The following PRAMEF19 variants were observed in gnomAD, a reference collection of about 807,000 sequenced individuals.
The protein encoded by PRAMEF19 is PRAME family member-like.
PRAMEF19 carries 21 observed loss-of-function variants against 33.1 expected under a neutral mutation model. The observed-to-expected ratio is 0.63, with a 90% CI of 0.45 to 0.91. The LOEUF (loss-of-function observed/expected upper bound fraction) is 0.91. Among genes scored for constraint, PRAMEF19 ranks in the 40% least tolerant of loss-of-function variants. PRAMEF19 has a pLI of 0.00. For missense variants in PRAMEF19, 481 were observed against 585.2 expected (o/e 0.82, Z 1.84); for synonymous variants, 179 against 229.3 (o/e 0.78, Z 1.98).
chr1:13,368,498 C>G (rs1342650973), downstream of PRAMEF19, among the ~76,000 whole-genome samples: 1 of 152,104 alleles, frequency 6.6e-6, no homozygotes, highest in Non-Finnish European at 1.5e-5. Flanking sequence ...GAACTAGTAC[C>G]TCTTTTTTTA....
At chr1:13,371,815 T>C in exon 1 of PRAMEF19, 9 of 1,611,850 alleles carry the variant, frequency 5.6e-6, no homozygotes, top group Non-Finnish European at 7.6e-6. Context: ...GGGCAGCTCA[T>C]CCAGGACGGA....
At chr1:13,369,152 A>G in exon 3 of PRAMEF19, 1 of 1,611,952 alleles carries the variant, frequency 6.2e-7, no homozygotes, top group Admixed American at 1.7e-5. Flanking sequence ...GACGGGACCA[A>G]AGAAGATCCT....
Position 13,371,891 on chromosome 1 carries a change from G to A in PRAMEF19, c.10C>T (p.Gln4Ter), listed in dbSNP as rs1640677020. 3.3e-5 allele frequency: 54 copies of A among 1,611,976 alleles called. 1 individual carries two copies. In the South Asian group the frequency reaches 4.2e-4, roughly 12 times the overall value. ...AGCTCCAGGAGTCTGCGTGGGGCCTGGAAGCTCATCCTGATAAATCTGCAA... is the reference window on the plus strand; with the variant it reads ...AGCTCCAGGAGTCTGCGTGGGGCCTAGAAGCTCATCCTGATAAATCTGCAA... The change falls in exon 1 of 3, where the codon CAG (glutamine) becomes TAG (stop). Residue 4 changes from glutamine to a stop codon, truncating the protein, a stop_gained. Transcript: ENST00000376101. LOFTEE classifies it high-confidence loss of function.
chr1:13,369,261 G>C lies in PRAMEF19; in HGVS notation c.1246C>G (p.Arg416Gly). The change falls in exon 3 of 3, where the codon CGG becomes GGG. Residue 416 changes from arginine (R) to glycine (G), a missense_variant. Arg to Gly is a moderately radical substitution (Grantham distance 125). Coordinates refer to ENST00000376101, the Ensembl canonical transcript of PRAMEF19. ...CGACCCCTGTTGTCAAGACTCTCCC[G>C]AGGGGCAGGATATGTTTCCAGGCTC... is the stretch of plus-strand genomic sequence containing the variant. 5 of 1,612,050 alleles carry C rather than the reference G, an allele frequency of 3.1e-6. No individual in the cohort carries two copies. The highest frequency in any genetic ancestry group is 2.2e-5 in the South Asian group (2 of 90,990).
At chr1:13,370,212 C>T (rs1282541856) in intron 2 of PRAMEF19, among the ~76,000 whole-genome samples, 1 of 152,276 alleles carries the variant, frequency 6.6e-6, no homozygotes, top group Non-Finnish European at 1.5e-5. Flanking sequence ...CTGTGAAACG[C>T]ACAGGTTTGG....
rs755927493 is a variant in PRAMEF19 at position 13,369,486 on chromosome 1, G to A, written c.1021C>T (p.Arg341Ter). 2.4e-5 allele frequency: 39 copies of A among 1,613,854 alleles called. No individual in the cohort carries two copies. Among genetic ancestry groups the A allele is most frequent in the African/African-American group, 8.0e-5 (6 of 74,920 alleles). ...GCAGCAACTTTCTCTAGCAGAGCTC[G>A]GAGGGGCTCAAGACGGATGAAGCGC... The change falls in exon 3 of 3, where the codon CGA (arginine) becomes TGA (stop). Residue 341 changes from arginine to a stop codon, truncating the protein, a stop_gained. Coordinates refer to ENST00000376101, the Ensembl canonical transcript of PRAMEF19. LOFTEE classifies it high-confidence loss of function.
At chr1:13,371,940 C>T (rs1410945283), upstream of PRAMEF19, 62 of 1,611,740 alleles carry the variant, frequency 3.8e-5, no homozygotes, top group Non-Finnish European at 4.8e-5. Flanking sequence ...AAAAGACAAA[C>T]TTATCAGGCC....
chr1:13,368,603 T>G (rs1359987593), downstream of PRAMEF19, among the ~76,000 whole-genome samples: 1 of 152,184 alleles, frequency 6.6e-6, no homozygotes, highest in Non-Finnish European at 1.5e-5. Flanking sequence ...AGGTTCCCTT[T>G]ACTTCCGACG....
chr1:13,369,149 C>T (rs2100379635), exon 3 of PRAMEF19: 1 of 1,611,898 alleles, frequency 6.2e-7, no homozygotes, highest in East Asian at 2.2e-5. Context: ...GGAGACGGGA[C>T]CAAAGAAGAT....
downstream of PRAMEF19, among the ~76,000 whole-genome samples, chr1:13,368,632 T>C (rs1640628931): frequency 6.6e-6 from 1 of 152,198 alleles, no homozygotes; most frequent in African/African-American, 2.4e-5. Context: ...TATCCATCCT[T>C]GCTGAGATAA....
chr1:13,368,955 A>G, downstream of PRAMEF19: 1 of 1,470,808 alleles, frequency 6.8e-7, no homozygotes, highest in Admixed American at 2.2e-5. Flanking sequence ...TCAAATTTTT[A>G]AATAAAAGCT....
exon 3 of PRAMEF19, chr1:13,369,497 A>G: frequency 6.2e-7 from 1 of 1,613,986 alleles, no homozygotes; most frequent in South Asian, 1.1e-5. Context: ...GAGGGGCTCA[A>G]GACGGATGAA....
downstream of PRAMEF19, among the ~76,000 whole-genome samples, chr1:13,368,600 C>CTTTACTTCCGACGTT (rs1640628545): frequency 1.3e-5 from 2 of 152,072 alleles, no homozygotes; most frequent in African/African-American, 4.8e-5. Flanking sequence ...TTTAGGTTCC[C>CTTTACTTCCGACGTT]TTTACTTCCG....
At chr1:13,369,012 C>T (rs1272273740), downstream of PRAMEF19, 39 of 1,605,798 alleles carry the variant, frequency 2.4e-5, no homozygotes, top group Non-Finnish European at 3.3e-5. Flanking sequence ...ATATCTATGT[C>T]CTAGATTTTA....
intron 2 of PRAMEF19, 148 bp downstream of exon 2, chr1:13,370,501 A>C (rs1640656777): frequency 2.9e-6 from 3 of 1,048,958 alleles, no homozygotes; most frequent in East Asian, 5.2e-5. Context: ...ACTTCAGGAT[A>C]TAGAGCACCA....
downstream of PRAMEF19, chr1:13,369,032 T>C: frequency 6.2e-7 from 1 of 1,611,742 alleles, no homozygotes; most frequent in East Asian, 2.2e-5. Flanking sequence ...AGTTTCCAAG[T>C]GCCTGGAGAA....
At chr1:13,371,543 G>T (rs1349345278) in intron 1 of PRAMEF19, 71 bp downstream of exon 1, 2 of 1,607,338 alleles carry the variant, frequency 1.2e-6, no homozygotes, top group East Asian at 2.3e-5. Flanking sequence ...GGCCACCCCA[G>T]GTTCCCAATT....
exon 2 of PRAMEF19, chr1:13,371,096 C>T: frequency 6.2e-7 from 1 of 1,612,220 alleles, no homozygotes; most frequent in Non-Finnish European, 8.5e-7. Flanking sequence ...CTCTCCTGTC[C>T]TTGGACAGTC....
downstream of PRAMEF19, among the ~76,000 whole-genome samples, chr1:13,368,670 A>G (rs1206423055): frequency 2.0e-5 from 3 of 152,124 alleles, no homozygotes; most frequent in Non-Finnish European, 4.4e-5. Context: ...TTCAGGTTCT[A>G]TTTCTGACTG....
Sources: allele counts gnomAD v4.1 joint callset (sites outside exome capture counted in the v4.1 genomes callset), GRCh38; gene constraint gnomAD v4.1.1; transcripts MANE v1.5; gene names NCBI Gene and HGNC (gene_info 2026-07-23, HGNC 2026-07-21).